Variants in ATP13A5 observed in about 807,000 individuals in gnomAD.
ATP13A5 encodes the protein probable cation-transporting ATPase 13A5.
A neutral mutation model predicts 150.2 loss-of-function variants in ATP13A5; 149 were observed. The observed-to-expected ratio is 0.99, with a 90% CI of 0.87 to 1.14. ATP13A5 has a LOEUF of 1.14. ATP13A5 is among the 50% of genes most tolerant of loss of function. The pLI is 0.00. For missense variants in ATP13A5, 1,383 were observed against 1,449.3 expected (o/e 0.95, Z 0.74); for synonymous variants, 497 against 522.2 (o/e 0.95, Z 0.66).
Position 193,274,949 on chromosome 3 carries a change from G to T in ATP13A5, c.*93C>A. The stretch of plus-strand genomic sequence containing the variant: ...ACTTTGAATGCTTGAATGGAGAGAG[G>T]AAAGGTAAGGGGAGAGTATCATCAC... On this transcript the variant is annotated 3_prime_UTR_variant, in exon 30 of 30. Transcript: ENST00000342358. 1 of 1,503,456 alleles carries T rather than the reference G, an allele frequency of 6.7e-7. No homozygotes were observed. The highest frequency in any genetic ancestry group is 9.0e-7 in the Non-Finnish European group (1 of 1,108,866). 93.1% of individuals were successfully genotyped at this position (1,503,456 alleles called of 1,614,324 possible). A position where few individuals can be genotyped will look rare whatever the true frequency, so the allele number is the denominator to read the frequency against.
In ATP13A5 at chr3:193,275,181, A is replaced by G; in HGVS notation, c.3518T>C (p.Ile1173Thr). 1 of 1,614,146 alleles carries G rather than the reference A, an allele frequency of 6.2e-7. No homozygotes were observed. Among genetic ancestry groups the G allele is most frequent in the Non-Finnish European group, 8.5e-7 (1 of 1,180,028 alleles). Residue 1173 changes from isoleucine to threonine, a missense_variant, in exon 30 of 30, where the codon ATA becomes ACA. This residue lies in a region of ATP13A5 where 568 missense variants were observed against 621.5 expected (regional missense o/e 0.91). Transcript: ENST00000342358. ...ATCACCTGAATAATCTGTCCTGTTT[A>G]TGGGAGGCCAGGTTGAGTCTTCTGC... ...KLAEDSTWPP[I>T]NRTDYSGDGK...
intron 23 of ATP13A5, 118 bp from the exon 24 acceptor site, chr3:193,301,425 A>G: frequency 1.5e-6 from 1 of 686,512 alleles, no homozygotes; most frequent in Non-Finnish European, 2.5e-6. Flanking sequence ...TCACTTAATC[A>G]TGAATTCATC....
Position 193,334,798 on chromosome 3 carries a change from G to A in ATP13A5, c.1114+131C>T, listed in dbSNP as rs6806904. 2,174 of 761,102 alleles carry A rather than the reference G, an allele frequency of 2.9e-3. 31 individuals carry two copies. The African/African-American group carries it at 0.03, about 11-fold the overall frequency. The allele number at this position is 761,102 out of a possible 1,614,324, so 47.1% of individuals were successfully genotyped here. A position where few individuals can be genotyped will look rare whatever the true frequency, so the allele number is the denominator to read the frequency against. On this transcript the variant is annotated intron_variant, in intron 10 of 29. Coordinates refer to ENST00000342358, the MANE Select transcript of ATP13A5 (RefSeq NM_198505.4). ...ATAGTGACACTTTAGAATAATAAGT[G>A]TCTGTTTGGAAAAAAGCATGTTGTT...
chr3:193,298,433 A>G (rs1001068438), intron 25 of ATP13A5, among the ~76,000 whole-genome samples: 3 of 152,168 alleles, frequency 2.0e-5, no homozygotes, highest in African/African-American at 7.2e-5. Context: ...TATCAGTTTT[A>G]TGTACTAAGG....
chr3:193,313,888 G>C (rs1560127836), intron 19 of ATP13A5, 145 bp downstream of exon 19: 1 of 950,844 alleles, frequency 1.1e-6, no homozygotes, highest in South Asian at 2.0e-5. Flanking sequence ...AGAGCTGGCA[G>C]AAATGCTTTG....
chr3:193,347,524 C>CTTTTCTTTT (rs72383894), intron 7 of ATP13A5, among the ~76,000 whole-genome samples: 1,685 of 145,372 alleles, frequency 0.012, 27 homozygotes, highest in African/African-American at 0.021. Flanking sequence ...CCTTAGATTT[C>CTTTTCTTTT]TTTTTTTTTT....
rs7613561 is a variant in ATP13A5, at chr3:193,298,655, T to C, written c.2848+476A>G. ...GATAGGAAATACTTTACCAGTGTCA[T>C]CTCAAAGGAAGGACATGAGCAATAG... On this transcript the variant is annotated intron_variant, in intron 25 of 29. Coordinates refer to ENST00000342358, the MANE Select transcript of ATP13A5 (RefSeq NM_198505.4). 7.9e-3 allele frequency among the ~76,000 whole-genome samples: 1,209 copies of C among 152,218 alleles called. 17 individuals carry two copies. Among genetic ancestry groups the C allele is most frequent in the African/African-American group, 0.028 (1,159 of 41,542 alleles).
intron 3 of ATP13A5, 147 bp downstream of exon 3, chr3:193,363,089 G>A (rs1362711139): frequency 6.9e-6 from 7 of 1,014,220 alleles, no homozygotes; most frequent in South Asian, 1.9e-5. Flanking sequence ...AGACGTGAAC[G>A]ACCATGCCCA....
chr3:193,317,195 A>C (rs1203633799), intron 17 of ATP13A5, among the ~76,000 whole-genome samples: 2 of 152,040 alleles, frequency 1.3e-5, no homozygotes, highest in Non-Finnish European at 2.9e-5. Context: ...TTTCTCTCTT[A>C]TTTTATTAAA....
chr3:193,288,225 A>C (rs1246766875), intron 26 of ATP13A5, among the ~76,000 whole-genome samples: 2 of 152,176 alleles, frequency 1.3e-5, no homozygotes, highest in Admixed American at 1.3e-4. Flanking sequence ...TTACTTGACA[A>C]AGCATCAGCA....
chr3:193,363,101 C>T lies in ATP13A5; in HGVS notation c.384+135G>A. ...TACAGACGTGAACGACCATGCCCAG[C>T]CAGTCTCACTTTCTTTGATACATAG... On this transcript the variant is annotated intron_variant, in intron 3 of 29. Transcript: ENST00000342358. 5 of 1,103,476 alleles carry T rather than the reference C, an allele frequency of 4.5e-6. No individual in the cohort carries two copies. In the South Asian group the frequency reaches 8.6e-5, roughly 19 times the overall value. The allele number at this position is 1,103,476 out of a possible 1,614,324, so 68.4% of individuals were successfully genotyped here.
intron 9 of ATP13A5, among the ~76,000 whole-genome samples, chr3:193,342,491 C>T (rs1433562833): frequency 6.6e-6 from 1 of 152,206 alleles, no homozygotes; most frequent in Non-Finnish European, 1.5e-5. Flanking sequence ...GTCTCTGAAA[C>T]TGGCCTCTAT....
At chr3:193,310,745 A>G (rs1455209741) in intron 20 of ATP13A5, 28 bp from the exon 21 acceptor site, 28 of 1,548,270 alleles carry the variant, frequency 1.8e-5, no homozygotes, top group Non-Finnish European at 2.5e-5. Context: ...CCATTGCAAT[A>G]TGATTGGGAA....
intron 25 of ATP13A5, among the ~76,000 whole-genome samples, chr3:193,295,082 T>A (rs1463187563): frequency 1.3e-5 from 2 of 152,118 alleles, no homozygotes; most frequent in Non-Finnish European, 2.9e-5. Flanking sequence ...AATTTTACAT[T>A]GATCATCAAT....
chr3:193,342,172 A>G (rs899617591), intron 9 of ATP13A5, among the ~76,000 whole-genome samples: 10 of 152,252 alleles, frequency 6.6e-5, no homozygotes, highest in Admixed American at 1.3e-4. Context: ...AAGTTGCTAT[A>G]GAGATGCTAG....
In ATP13A5 at chr3:193,343,956, C is replaced by T. The variant is rs1712223730; in HGVS notation, c.914G>A (p.Ser305Asn). The stretch of plus-strand genomic sequence containing the variant: ...AAGCATGCCTTCATTCACCACGCAG[C>T]TTCCATCAATCAAAACAGCATCACA... ...LPCDAVLIDG[S>N]CVVNEGMLTG... is the part of the protein sequence containing the mutation. The change falls in exon 9 of 30, where the codon AGC becomes AAC. Residue 305 changes from serine to asparagine, a missense_variant. Ser to Asn is a conservative substitution (Grantham distance 46). This residue lies in a region of ATP13A5 where 787 missense variants were observed against 771.9 expected (regional missense o/e 1.02). Coordinates refer to ENST00000342358, the MANE Select transcript of ATP13A5 (RefSeq NM_198505.4). 6.2e-7 allele frequency: 1 copy of T among 1,613,344 alleles called. No individual in the cohort carries two copies. Among genetic ancestry groups the T allele is most frequent in the Admixed American group, 1.7e-5 (1 of 59,950 alleles).
intron 17 of ATP13A5, 98 bp from the exon 18 acceptor site, chr3:193,315,194 C>A: frequency 2.5e-5 from 29 of 1,153,922 alleles, no homozygotes; most frequent in Middle Eastern, 2.8e-4. Context: ...TTTATTAATG[C>A]AATACAGGCA....
intron 5 of ATP13A5, among the ~76,000 whole-genome samples, chr3:193,360,865 C>T (rs1226194897): frequency 6.6e-6 from 1 of 152,120 alleles, no homozygotes; most frequent in South Asian, 2.1e-4. Flanking sequence ...TTAGTAAAGA[C>T]GGAGTTTCAC....
At chr3:193,363,969 C>T in intron 2 of ATP13A5, 138 bp downstream of exon 2, 2 of 946,818 alleles carry the variant, frequency 2.1e-6, no homozygotes, top group Non-Finnish European at 3.1e-6. Context: ...GTATTTTCTC[C>T]TGTTTTGATC....
Sources: allele counts gnomAD v4.1 joint callset (sites outside exome capture counted in the v4.1 genomes callset), GRCh38; gene constraint gnomAD v4.1.1; regional missense constraint gnomAD v4.1.1; transcripts MANE v1.5; gene names NCBI Gene and HGNC (gene_info 2026-07-23, HGNC 2026-07-21).